The following EMC2 variants were observed in gnomAD, a reference collection of about 807,000 sequenced individuals.
EMC2 encodes the protein ER membrane protein complex subunit 2.
A neutral mutation model predicts 51.6 loss-of-function variants in EMC2; 37 were observed. That is an observed-to-expected ratio of 0.72 (90% CI 0.55 to 0.94). EMC2 has a LOEUF of 0.94. EMC2 is among the 40% of genes least tolerant of loss of function. The pLI, the probability that EMC2 is intolerant of heterozygous loss-of-function variation, is 0.00. For missense variants in EMC2, 359 were observed against 350.9 expected (o/e 1.02, Z -0.18); for synonymous variants, 131 against 112.4 (o/e 1.17, Z -1.04).
At chr8:108,482,020 G>GTTC in intron 10 of EMC2, among the ~76,000 whole-genome samples, 1 of 152,254 alleles carries the variant, frequency 6.6e-6, no homozygotes, top group South Asian at 2.1e-4. Context: ...TATATGTGCA[G>GTTC]TTCTGTATAC....
rs1467563434 is a variant in EMC2, at chr8:108,469,879, G to A, written c.417G>A (p.Glu139=). ...AIRKAQGKNV[E]AIRELNEYLE... Reference sequence around the variant, plus strand: ...GAAAAGCCCAGGGGAAAAATGTGGAGGCCATTCGGGAGCTGAATGAGTATC... The same window carrying A: ...GAAAAGCCCAGGGGAAAAATGTGGAAGCCATTCGGGAGCTGAATGAGTATC... The change falls in exon 6 of 11, where the codon GAG becomes GAA. Residue 139 remains glutamate, a synonymous_variant. Coordinates refer to ENST00000220853, the MANE Select transcript of EMC2 (RefSeq NM_014673.5). The A allele has an allele frequency of 2.5e-6, 4 of 1,613,420 alleles. No individual in the cohort carries two copies. Among genetic ancestry groups the A allele is most frequent in the Non-Finnish European group, 3.4e-6 (4 of 1,179,480 alleles).
rs1248197742 is a variant in EMC2 at position 108,487,832 on chromosome 8, A to G, written c.*1234A>G. On this transcript the variant is annotated 3_prime_UTR_variant, in exon 11 of 11. Transcript: ENST00000220853. ...CATATCTAGTCTAATCTTTCATATT[A>G]CAGTCATTTTCGTTTTATTCTGCCA... Among the ~76,000 whole-genome samples the G allele has an allele frequency of 6.6e-6, 1 of 151,460 alleles. No individual in the cohort carries two copies. Among genetic ancestry groups the G allele is most frequent in the East Asian group, 1.9e-4 (1 of 5,194 alleles).
chr8:108,469,740 A>G lies in EMC2; in HGVS notation c.364-86A>G. 7.3e-6 allele frequency: 8 copies of G among 1,089,422 alleles called. No homozygotes were observed. The South Asian group carries it at 1.1e-4, about 14-fold the overall frequency. The allele number at this position is 1,089,422 out of a possible 1,614,324, so 67.5% of individuals were successfully genotyped here. On this transcript the variant is annotated intron_variant, in intron 5 of 10. Transcript: ENST00000220853. ...ACAATGGAATTTCTCTGGCATTGAG[A>G]TAATAATTTGCACAGTCAAATTACC...
At chr8:108,476,183 A>G (rs1056834042) in intron 8 of EMC2, among the ~76,000 whole-genome samples, 5 of 151,850 alleles carry the variant, frequency 3.3e-5, no homozygotes, top group African/African-American at 9.7e-5. Flanking sequence ...GTATTTTTAT[A>G]TTTGTATACT....
At chr8:108,477,535 C>T (rs1810968741) in intron 9 of EMC2, among the ~76,000 whole-genome samples, 1 of 151,984 alleles carries the variant, frequency 6.6e-6, no homozygotes, top group African/African-American at 2.4e-5. Flanking sequence ...GTTCCTTTGA[C>T]TTCTTGATGA....
intron 1 of EMC2, among the ~76,000 whole-genome samples, chr8:108,449,355 C>T (rs1316177529): frequency 6.6e-6 from 1 of 151,408 alleles, no homozygotes; most frequent in Non-Finnish European, 1.5e-5. Context: ...CTCACGCAAT[C>T]TCTGCCTCCT....
At chr8:108,465,220 G>A (rs1351402) in intron 5 of EMC2, among the ~76,000 whole-genome samples, 136,163 of 152,288 alleles carry the variant, frequency 0.89, 61,122 homozygotes, top group East Asian at 1. Context: ...ATAGGTTTCC[G>A]TTTATTGTTT....
chr8:108,443,666 A>G lies in EMC2; in HGVS notation c.8A>G (p.Lys3Arg), dbSNP rs1308920253. 2 of 1,609,440 alleles carry G rather than the reference A, an allele frequency of 1.2e-6. No homozygotes were observed. Among genetic ancestry groups the G allele is most frequent in the African/African-American group, 2.7e-5 (2 of 74,836 alleles). Residue 3 changes from lysine (K) to arginine (R), a missense_variant, in exon 1 of 11, where the codon AAG becomes AGG. Physicochemically the swap from Lys to Arg is conservative, Grantham distance 26. Transcript: ENST00000220853. MAKVSELYDVTWE... is the reference protein window; with the variant it reads MARVSELYDVTWE... ...CCTCTAGGTTCTGGGAAGATGGCGA[A>G]GGTCTCAGAGCTTTACGATGTCACT...
intron 7 of EMC2, chr8:108,475,063 T>C (rs1294813294): frequency 1.3e-5 from 2 of 151,964 alleles, no homozygotes; most frequent in African/African-American, 4.8e-5. Flanking sequence ...TTAGGTAGCC[T>C]CTTTTTGTTG....
At chr8:108,469,406 T>C (rs1810805853) in intron 5 of EMC2, among the ~76,000 whole-genome samples, 1 of 152,192 alleles carries the variant, frequency 6.6e-6, no homozygotes, top group African/African-American at 2.4e-5. Context: ...TCAGAAGACA[T>C]ATTTATATAA....
chr8:108,470,120 G>T lies in EMC2; in HGVS notation c.508G>T (p.Asp170Tyr). 3 of 1,606,810 alleles carry T rather than the reference G, an allele frequency of 1.9e-6. No homozygotes were observed. Among genetic ancestry groups the T allele is most frequent in the South Asian group, 2.2e-5 (2 of 90,868 alleles). The part of the protein sequence containing the change: ...ELAELYINEH[D>Y]YAKAAFCLEE... ...TGCAGAACTTTACATCAATGAACAT[G>T]AGTAAGTTATTAAACACACAACATT... Residue 170 changes from aspartate (D) to tyrosine (Y), a missense_variant and splice_region_variant, in exon 7 of 11, where the codon GAC becomes TAC. Physicochemically the swap from Asp to Tyr is radical, Grantham distance 160 (BLOSUM62 -3). Coordinates refer to ENST00000220853, the MANE Select transcript of EMC2 (RefSeq NM_014673.5).
At chr8:108,482,270 C>T (rs749584261) in intron 10 of EMC2, among the ~76,000 whole-genome samples, 5 of 152,068 alleles carry the variant, frequency 3.3e-5, no homozygotes, top group South Asian at 2.1e-4. Context: ...TGTCCTCTTT[C>T]GTGAAATGTT....
At chr8:108,458,355 T>C (rs1285552669) in intron 5 of EMC2, among the ~76,000 whole-genome samples, 1 of 152,180 alleles carries the variant, frequency 6.6e-6, no homozygotes, top group Admixed American at 6.5e-5. Flanking sequence ...GACTCTTGTG[T>C]GGGGGCTCTG....
At chr8:108,463,135 T>G (rs1819371173) in intron 5 of EMC2, among the ~76,000 whole-genome samples, 1 of 152,176 alleles carries the variant, frequency 6.6e-6, no homozygotes, top group South Asian at 2.1e-4. Context: ...TGTGAACAGC[T>G]TGGTAATTTT....
intron 1 of EMC2, among the ~76,000 whole-genome samples, chr8:108,448,081 A>G (rs774913250): frequency 8.5e-5 from 13 of 152,132 alleles, no homozygotes; most frequent in Non-Finnish European, 1.9e-4. Context: ...GCCTGTGAAG[A>G]ACTGGTAAGT....
intron 10 of EMC2, among the ~76,000 whole-genome samples, chr8:108,481,257 C>T (rs900401246): frequency 6.6e-6 from 1 of 152,076 alleles, no homozygotes; most frequent in African/African-American, 2.4e-5. Context: ...GTAGTGCCTC[C>T]ATAATCACAT....
intron 4 of EMC2, among the ~76,000 whole-genome samples, 156 bp from the exon 5 acceptor site, chr8:108,455,717 T>C (rs1819134441): frequency 6.6e-6 from 1 of 152,206 alleles, no homozygotes; most frequent in South Asian, 2.1e-4. Context: ...TATATGAAGA[T>C]GGAAGACTTC....
chr8:108,464,517 T>G (rs1819418821), intron 5 of EMC2, among the ~76,000 whole-genome samples: 1 of 152,152 alleles, frequency 6.6e-6, no homozygotes, highest in Admixed American at 6.5e-5. Context: ...TCATTGAAGA[T>G]CCATTCAAGC....
chr8:108,455,676 A>G (rs1819133576), intron 4 of EMC2, among the ~76,000 whole-genome samples, 197 bp from the exon 5 acceptor site: 1 of 152,174 alleles, frequency 6.6e-6, no homozygotes, highest in African/African-American at 2.4e-5. Context: ...GCTTTACTTA[A>G]CAAAATAAGA....
Sources: allele counts gnomAD v4.1 joint callset (sites outside exome capture counted in the v4.1 genomes callset), GRCh38; gene constraint gnomAD v4.1.1; transcripts MANE v1.5; gene names NCBI Gene and HGNC (gene_info 2026-07-23, HGNC 2026-07-21).